The following RBFOX1 variants were observed in gnomAD, a reference collection of about 807,000 sequenced individuals.
The protein encoded by RBFOX1 is RNA binding fox-1 homolog 1, also known as RNA binding protein fox-1 homolog 1.
In RBFOX1, 8 loss-of-function variants were observed where a neutral mutation model predicts 57.7. The observed-to-expected ratio is 0.14, with a 90% CI of 0.08 to 0.25. RBFOX1 has a LOEUF of 0.25. Among genes scored for constraint, RBFOX1 ranks in the 10% least tolerant of loss-of-function variants. The pLI is 1.00. For synonymous variants in RBFOX1, 326 were observed against 222.4 expected (o/e 1.47, Z -4.15); for missense variants, 611 against 548.5 (o/e 1.11, Z -1.14).
At chr16:5,296,783 A>G (rs142125815) in intron 1 of RBFOX1, among the ~76,000 whole-genome samples, 2,847 of 151,686 alleles carry the variant, frequency 0.019, 77 homozygotes, top group African/African-American at 0.064. Context: ...GGTTCAAGCA[A>G]TTCTCCTGTC....
chr16:7,229,591 GAGGA>G (rs367952346), intron 4 of RBFOX1, among the ~76,000 whole-genome samples: 1,573 of 129,528 alleles, frequency 0.012, 44 homozygotes, highest in African/African-American at 0.05. Context: ...AAGGGAGAGA[GAGGA>G]AGGAAGGAAG....
chr16:7,421,383 C>T (rs998095568), intron 4 of RBFOX1, among the ~76,000 whole-genome samples: 3 of 152,196 alleles, frequency 2.0e-5, no homozygotes, highest in East Asian at 1.9e-4. Flanking sequence ...GTTTAATGGA[C>T]ACTTTTCCAT....
intron 2 of RBFOX1, among the ~76,000 whole-genome samples, chr16:6,391,149 T>C (rs1440860941): frequency 1.3e-5 from 2 of 152,150 alleles, no homozygotes; most frequent in African/African-American, 4.8e-5. Context: ...AAATTGGCCT[T>C]GCCTGCAAGA....
chr16:6,855,919 C>G (rs373419805), intron 3 of RBFOX1, among the ~76,000 whole-genome samples: 3 of 150,688 alleles, frequency 2.0e-5, no homozygotes, highest in East Asian at 3.9e-4. Flanking sequence ...TTCCTTCTTT[C>G]TTTACTCATG....
At chr16:7,303,775 CTCTCTCTG>C (rs1031446516) in intron 4 of RBFOX1, among the ~76,000 whole-genome samples, 1 of 151,088 alleles carries the variant, frequency 6.6e-6, no homozygotes, top group Admixed American at 6.6e-5. Context: ...CTCTCTCTCT[CTCTCTCTG>C]TCTCTCCCCT....
At position 5,501,318 on chromosome 16, in the gene RBFOX1, CAAAAAAA is replaced by C. The variant is rs1160788118; in HGVS notation, c.258+34081_258+34087del. On this transcript the variant is annotated intron_variant, in intron 2 of 2. Transcript: ENST00000585867. ...GGATGACAAAACGAGACTCTGTCTA[CAAAAAAA>C]AAAAAAAAAAAAAAAAGAAAAAATA... Among the ~76,000 whole-genome samples, 593 of 64,898 alleles carry C rather than the reference CAAAAAAA, an allele frequency of 9.1e-3. 5 individuals are homozygous for C. Among genetic ancestry groups the C allele is most frequent in the African/African-American group, 0.025 (531 of 21,176 alleles). The allele number at this position is 64,898 out of a possible 152,430, so 42.6% of individuals were successfully genotyped here.
At chr16:6,678,571 G>T (rs1255962449) in intron 3 of RBFOX1, among the ~76,000 whole-genome samples, 1 of 151,316 alleles carries the variant, frequency 6.6e-6, no homozygotes, top group Non-Finnish European at 1.5e-5. Context: ...TAGAGGTTTT[G>T]TGATAACACA....
intron 1 of RBFOX1, among the ~76,000 whole-genome samples, chr16:6,205,248 C>T (rs2097247052): frequency 6.6e-6 from 1 of 152,116 alleles, no homozygotes; most frequent in African/African-American, 2.4e-5. Flanking sequence ...CCTCTTCTGT[C>T]AGGGCAGATT....
chr16:5,787,029 G>A (rs1488094352), intron 3 of RBFOX1, among the ~76,000 whole-genome samples: 1 of 152,154 alleles, frequency 6.6e-6, no homozygotes, highest in African/African-American at 2.4e-5. Context: ...TCAGCTCCTT[G>A]GGAGGCTGAG....
At chr16:5,268,854 C>G (rs1421730623) in intron 1 of RBFOX1, among the ~76,000 whole-genome samples, 1 of 152,152 alleles carries the variant, frequency 6.6e-6, no homozygotes, top group Non-Finnish European at 1.5e-5. Flanking sequence ...ATTTTAACAC[C>G]CACCAGCAGT....
chr16:5,471,669 C>T (rs763452128), intron 2 of RBFOX1, among the ~76,000 whole-genome samples: 1 of 152,212 alleles, frequency 6.6e-6, no homozygotes, highest in Non-Finnish European at 1.5e-5. Flanking sequence ...GTCCTCACTC[C>T]TGAGTGTGAT....
chr16:7,604,538 C>G (rs750215546), intron 9 of RBFOX1, among the ~76,000 whole-genome samples: 3 of 152,116 alleles, frequency 2.0e-5, no homozygotes, highest in Non-Finnish European at 4.4e-5. Context: ...CATGTGCAGA[C>G]TTGGCAAACT....
rs966891361 is a variant in RBFOX1, at chr16:5,379,303, T to A, written c.220-87913T>A. Among the ~76,000 whole-genome samples the A allele has an allele frequency of 6.6e-5, 10 of 151,576 alleles. 1 individual carries two copies. The highest frequency in any genetic ancestry group is 2.4e-4 in the African/African-American group (10 of 40,836). On this transcript the variant is annotated intron_variant, in intron 1 of 2. Transcript: ENST00000585867. ...AATATGAAAGCAGTTTTTATCGTTT[T>A]TTTTCTCAGTTATTTTATCTTTCCA...
chr16:6,934,488 T>C (rs1246433456), intron 3 of RBFOX1, among the ~76,000 whole-genome samples: 2 of 152,116 alleles, frequency 1.3e-5, no homozygotes, highest in Admixed American at 6.6e-5. Flanking sequence ...TGTCCATCAG[T>C]GGGCTAATGG....
intron 3 of RBFOX1, among the ~76,000 whole-genome samples, chr16:7,035,593 T>C (rs562736292): frequency 2.4e-4 from 36 of 152,112 alleles, no homozygotes; most frequent in African/African-American, 8.4e-4. Flanking sequence ...TCTGCGTTGT[T>C]GGTTTATTAT....
rs550411292 is a variant in RBFOX1 at position 6,802,732 on chromosome 16, T to G, written c.-16+148082T>G. 3.9e-5 allele frequency among the ~76,000 whole-genome samples: 6 copies of G among 152,362 alleles called. No homozygotes were observed. In the South Asian group the frequency reaches 1.2e-3, roughly 32 times the overall value. On this transcript the variant is annotated intron_variant, in intron 3 of 15. Transcript: ENST00000550418. ...TGGTTTTTATATTCCTTTATTCATTTCGGCAAAAGCCATTCCCCCACGTTG... is the reference window on the plus strand; with the variant it reads ...TGGTTTTTATATTCCTTTATTCATTGCGGCAAAAGCCATTCCCCCACGTTG...
At chr16:6,943,866 C>T (rs796559324) in intron 3 of RBFOX1, among the ~76,000 whole-genome samples, 3 of 152,112 alleles carry the variant, frequency 2.0e-5, no homozygotes, top group African/African-American at 7.2e-5. Flanking sequence ...TTTTCTGTAC[C>T]TCACTGCTGA....
chr16:5,453,928 A>C (rs772203451), intron 1 of RBFOX1, among the ~76,000 whole-genome samples: 47 of 152,154 alleles, frequency 3.1e-4, no homozygotes, highest in Non-Finnish European at 5.6e-4. Context: ...GGAGTACTTA[A>C]GCTTAGTTCC....
intron 3 of RBFOX1, among the ~76,000 whole-genome samples, chr16:5,707,681 C>A (rs1191281469): frequency 6.6e-6 from 1 of 152,168 alleles, no homozygotes; most frequent in African/African-American, 2.4e-5. Context: ...TGTTTGGAAA[C>A]CTTAACTTCT....
Sources: allele counts gnomAD v4.1 joint callset (sites outside exome capture counted in the v4.1 genomes callset), GRCh38; gene constraint gnomAD v4.1.1; transcripts MANE v1.5; gene names NCBI Gene and HGNC (gene_info 2026-07-23, HGNC 2026-07-21).